The following AQP7B variants were observed in gnomAD, a reference collection of about 807,000 sequenced individuals.
AQP7B encodes the protein putative aquaporin-7B.
At chr2:94,596,676 A>G in the AQP7B span, among the ~76,000 whole-genome samples, 74 of 152,130 alleles carry the variant, frequency 4.9e-4, no homozygotes, top group Non-Finnish European at 9.0e-4. Context: ...GCGACTATCC[A>G]CAAGTATCTT....
the AQP7B span, among the ~76,000 whole-genome samples, chr2:94,600,053 A>G: frequency 1.3e-5 from 2 of 151,650 alleles, no homozygotes; most frequent in Non-Finnish European, 2.9e-5. Context: ...TAATTTTTGT[A>G]TTATTAGTAG....
the AQP7B span, among the ~76,000 whole-genome samples, chr2:94,602,266 C>T: frequency 1.6e-4 from 25 of 152,070 alleles, no homozygotes; most frequent in Admixed American, 1.1e-3. Flanking sequence ...AACTCTGCTG[C>T]TCCACCCGGC....
the AQP7B span, among the ~76,000 whole-genome samples, chr2:94,600,579 T>G: frequency 1.3e-5 from 2 of 151,756 alleles, no homozygotes; most frequent in East Asian, 3.9e-4. Flanking sequence ...ACAAAATAAA[T>G]TGAAAAAATT....
chr2:94,594,228 G>A, the AQP7B span, among the ~76,000 whole-genome samples: 1 of 152,174 alleles, frequency 6.6e-6, no homozygotes, highest in East Asian at 1.9e-4. Context: ...ACATGTTTCA[G>A]CACTCAGTGC....
At chr2:94,589,394 A>T in the AQP7B span, among the ~76,000 whole-genome samples, 1 of 151,926 alleles carries the variant, frequency 6.6e-6, no homozygotes, top group African/African-American at 2.4e-5. Context: ...TCTGCAGTTA[A>T]CATACAGCCC....
At chr2:94,591,750 G>A in the AQP7B span, among the ~76,000 whole-genome samples, 6 of 152,008 alleles carry the variant, frequency 3.9e-5, no homozygotes, top group Non-Finnish European at 7.4e-5. Flanking sequence ...TCAGTCCTAC[G>A]CCCAGAGTGA....
the AQP7B span, among the ~76,000 whole-genome samples, chr2:94,593,828 C>G: frequency 6.6e-6 from 1 of 152,010 alleles, no homozygotes; most frequent in Admixed American, 6.6e-5. Flanking sequence ...CCGCCACCTT[C>G]CCCAAACTCC....
the AQP7B span, among the ~76,000 whole-genome samples, chr2:94,597,555 A>G: frequency 6.6e-6 from 1 of 151,984 alleles, no homozygotes; most frequent in African/African-American, 2.4e-5. Context: ...CTTTTGCCCA[A>G]GGTCACACTT....
chr2:94,588,417 C>T, the AQP7B span: 69 of 614,174 alleles, frequency 1.1e-4, 3 homozygotes, highest in South Asian at 9.9e-4. Context: ...GGGCTTCTCC[C>T]CTGGGGACCA....
chr2:94,598,415 C>T, the AQP7B span, among the ~76,000 whole-genome samples: 1 of 152,116 alleles, frequency 6.6e-6, no homozygotes, highest in Non-Finnish European at 1.5e-5. Context: ...GCCACATTCA[C>T]TGATCAGGGA....
the AQP7B span, among the ~76,000 whole-genome samples, chr2:94,594,384 C>G: frequency 6.6e-6 from 1 of 152,232 alleles, no homozygotes; most frequent in South Asian, 2.1e-4. Flanking sequence ...GACAACTGAG[C>G]TCTACTTTCC....
At chr2:94,592,259 T>A in the AQP7B span, among the ~76,000 whole-genome samples, 1 of 152,120 alleles carries the variant, frequency 6.6e-6, no homozygotes, top group Non-Finnish European at 1.5e-5. Flanking sequence ...TCAGGGCTCC[T>A]AAATTCCCCT....
the AQP7B span, chr2:94,588,557 C>T: frequency 1.2e-4 from 95 of 807,110 alleles, no homozygotes; most frequent in African/African-American, 1.4e-3. Context: ...GGTAAGTACC[C>T]CACCCTCTTC....
At chr2:94,589,160 AGTT>A in the AQP7B span, among the ~76,000 whole-genome samples, 8 of 148,794 alleles carry the variant, frequency 5.4e-5, no homozygotes, top group African/African-American at 7.5e-5. Context: ...CCAGCTAATT[AGTT>A]GTTGTTTTTT....
the AQP7B span, among the ~76,000 whole-genome samples, chr2:94,587,376 G>A: frequency 6.6e-6 from 1 of 152,200 alleles, no homozygotes; most frequent in Non-Finnish European, 1.5e-5. Context: ...AGCCCCCAAG[G>A]CAGAGGCTGA....
the AQP7B span, among the ~76,000 whole-genome samples, chr2:94,591,523 T>A: frequency 6.6e-6 from 1 of 152,052 alleles, no homozygotes; most frequent in Non-Finnish European, 1.5e-5. Context: ...CTCCACTTCC[T>A]CCATCCTGGC....
At chr2:94,587,940 G>C in the AQP7B span, among the ~76,000 whole-genome samples, 2 of 152,110 alleles carry the variant, frequency 1.3e-5, no homozygotes, top group African/African-American at 4.8e-5. Flanking sequence ...GACAGACAGG[G>C]TGAGGGGACT....
At chr2:94,588,327 C>T in the AQP7B span, among the ~76,000 whole-genome samples, 1 of 151,798 alleles carries the variant, frequency 6.6e-6, no homozygotes, top group Non-Finnish European at 1.5e-5. Flanking sequence ...TCCAGGACGT[C>T]ACCTCATTGG....
At chr2:94,594,805 T>A in the AQP7B span, 78 of 1,570,328 alleles carry the variant, frequency 5.0e-5, no homozygotes, top group African/African-American at 9.5e-4. Flanking sequence ...GGAAATATGG[T>A]GCGAGGAAGA....
Sources: allele counts gnomAD v4.1 joint callset (sites outside exome capture counted in the v4.1 genomes callset), GRCh38; gene constraint gnomAD v4.1.1; transcripts MANE v1.5; gene names NCBI Gene and HGNC (gene_info 2026-07-23, HGNC 2026-07-21).